The following UNC13C variants were observed in gnomAD, a reference collection of about 807,000 sequenced individuals.
The protein encoded by UNC13C is unc-13 homolog C.
Under a neutral mutation model 245.4 loss-of-function variants are expected in UNC13C, and 174 were observed. The observed-to-expected ratio is 0.71, with a 90% CI of 0.63 to 0.80. The LOEUF (loss-of-function observed/expected upper bound fraction) is 0.80, where lower values mean the gene tolerates loss of function less well. Ranked by LOEUF, UNC13C falls within the 30% of genes least tolerant of loss-of-function variation. The pLI is 0.00. For synonymous variants in UNC13C, 992 were observed against 895.1 expected, an observed-to-expected ratio of 1.11 and a Z score of -1.93; for missense variants, 2,829 against 2,602.9, an observed-to-expected ratio of 1.09 and a Z score of -1.89.
intron 19 of UNC13C, among the ~76,000 whole-genome samples, chr15:54,471,819 C>A (rs1892477281): frequency 6.6e-6 from 1 of 151,628 alleles, no homozygotes. Flanking sequence ...TTTGGATTAT[C>A]TGTCTATGAC....
At chr15:54,254,404 T>C (rs2036227513) in intron 8 of UNC13C, among the ~76,000 whole-genome samples, 1 of 152,202 alleles carries the variant, frequency 6.6e-6, no homozygotes, top group Non-Finnish European at 1.5e-5. Flanking sequence ...AATTTTACAA[T>C]ATATGTTTAA....
intron 19 of UNC13C, among the ~76,000 whole-genome samples, chr15:54,420,062 A>G (rs958240664): frequency 2.0e-5 from 3 of 152,136 alleles, no homozygotes; most frequent in Admixed American, 1.3e-4. Flanking sequence ...GAATAAGATG[A>G]ACAGATCCCC....
chr15:54,287,272 C>A (rs1267598871), intron 10 of UNC13C, among the ~76,000 whole-genome samples: 1 of 152,058 alleles, frequency 6.6e-6, no homozygotes, highest in African/African-American at 2.4e-5. Flanking sequence ...AAAATGCAAA[C>A]CTGTATATTT....
chr15:54,504,107 G>A (rs914165182), intron 22 of UNC13C, among the ~76,000 whole-genome samples: 6 of 152,112 alleles, frequency 3.9e-5, no homozygotes, highest in Non-Finnish European at 7.4e-5. Flanking sequence ...ATATTCCTAT[G>A]ATTATAGTGC....
At chr15:54,031,511 C>A (rs1178142406) in intron 2 of UNC13C, among the ~76,000 whole-genome samples, 1 of 152,214 alleles carries the variant, frequency 6.6e-6, no homozygotes, top group Non-Finnish European at 1.5e-5. Flanking sequence ...ATTTTAGCAA[C>A]TGAACACACA....
the UNC13C span, among the ~76,000 whole-genome samples, chr15:53,966,271 T>A: frequency 6.6e-6 from 1 of 152,138 alleles, no homozygotes; most frequent in African/African-American, 2.4e-5. Flanking sequence ...TTATTGATGG[T>A]TGTATCTTTT....
chr15:54,085,194 A>T (rs938642163), intron 2 of UNC13C, among the ~76,000 whole-genome samples: 2 of 152,182 alleles, frequency 1.3e-5, no homozygotes, highest in African/African-American at 4.8e-5. Flanking sequence ...GCTAGTAGAG[A>T]GTTATAGGGC....
chr15:54,089,650 C>T (rs1899449792), intron 2 of UNC13C, among the ~76,000 whole-genome samples: 1 of 131,304 alleles, frequency 7.6e-6, no homozygotes, highest in Non-Finnish European at 1.6e-5. Context: ...ATGGTTATTG[C>T]TTCCAATATC....
chr15:53,969,563 G>A, the UNC13C span, among the ~76,000 whole-genome samples: 1 of 151,604 alleles, frequency 6.6e-6, no homozygotes, highest in Admixed American at 6.6e-5. Context: ...GCACACACCT[G>A]TAGTCCCAGC....
At chr15:54,172,038 T>C (rs2033417934) in intron 4 of UNC13C, among the ~76,000 whole-genome samples, 1 of 152,056 alleles carries the variant, frequency 6.6e-6, no homozygotes, top group East Asian at 1.9e-4. Flanking sequence ...TCTCACTTAT[T>C]TGTGGGAGCT....
At chr15:54,523,618 C>G (rs981401259) in intron 24 of UNC13C, among the ~76,000 whole-genome samples, 1 of 152,124 alleles carries the variant, frequency 6.6e-6, no homozygotes. Flanking sequence ...GTGCAAGTGA[C>G]CTATGTAGCC....
At chr15:54,182,813 C>A (rs746681347) in intron 4 of UNC13C, among the ~76,000 whole-genome samples, 15 of 150,992 alleles carry the variant, frequency 9.9e-5, no homozygotes, top group Non-Finnish European at 1.6e-4. Flanking sequence ...TAGAAAAGTA[C>A]CAGAAAGAGA....
At chr15:54,215,036 A>G (rs1233349552) in intron 4 of UNC13C, among the ~76,000 whole-genome samples, 3 of 151,866 alleles carry the variant, frequency 2.0e-5, no homozygotes, top group African/African-American at 7.3e-5. Flanking sequence ...ATAATGTCTG[A>G]GGCTAATTTA....
intron 26 of UNC13C, among the ~76,000 whole-genome samples, chr15:54,544,725 G>A (rs1430973296): frequency 1.3e-5 from 2 of 152,008 alleles, no homozygotes; most frequent in Non-Finnish European, 2.9e-5. Flanking sequence ...AAATACCAAG[G>A]AATACAACTT....
At chr15:54,414,365 G>A (rs2040476112) in intron 18 of UNC13C, among the ~76,000 whole-genome samples, 5 of 152,228 alleles carry the variant, frequency 3.3e-5, no homozygotes, top group South Asian at 2.1e-4. Context: ...AGACGGAGTC[G>A]GCCAGGTATG....
intron 2 of UNC13C, among the ~76,000 whole-genome samples, chr15:54,059,349 G>T (rs1244027385): frequency 1.3e-5 from 2 of 152,086 alleles, no homozygotes; most frequent in Non-Finnish European, 2.9e-5. Flanking sequence ...AATCATGAGT[G>T]AACTCCCATT....
In UNC13C at chr15:54,046,358, A is replaced by G. The variant is rs116151192; in HGVS notation, c.2983+30472A>G. Among the ~76,000 whole-genome samples the G allele has an allele frequency of 6.3e-3, 961 of 152,294 alleles. 10 individuals carry two copies. The highest frequency in any genetic ancestry group is 0.021 in the African/African-American group (889 of 41,576). On this transcript the variant is annotated intron_variant, in intron 2 of 32. Coordinates refer to ENST00000260323, the MANE Select transcript of UNC13C (RefSeq NM_001080534.3). Reference sequence around the variant, plus strand: ...ATCATTCTGGATTGCCATTAGTAATATATGAGTATGCTTGTTTTTCCAGAG... The same window carrying G: ...ATCATTCTGGATTGCCATTAGTAATGTATGAGTATGCTTGTTTTTCCAGAG...
At chr15:54,594,736 T>A (rs1190243954) in intron 30 of UNC13C, among the ~76,000 whole-genome samples, 1 of 152,192 alleles carries the variant, frequency 6.6e-6, no homozygotes, top group Non-Finnish European at 1.5e-5. Context: ...CTTGAAAACT[T>A]GCCTGAGGCT....
At chr15:54,548,685 A>G (rs1896604059) in intron 27 of UNC13C, among the ~76,000 whole-genome samples, 1 of 152,100 alleles carries the variant, frequency 6.6e-6, no homozygotes, top group South Asian at 2.1e-4. Context: ...TCAAGAATGT[A>G]TATATTATGT....
Sources: gnomAD v4.1 joint callset for allele counts (sites outside exome capture counted in the v4.1 genomes callset) on GRCh38, gnomAD v4.1.1 for gene constraint, MANE v1.5 for transcripts, NCBI Gene and HGNC (gene_info 2026-07-23, HGNC 2026-07-21) for gene names.